The following SH3RF1 variants were observed in gnomAD, a reference collection of about 807,000 sequenced individuals.
SH3RF1 encodes SH3 domain containing ring finger 1, also known as E3 ubiquitin-protein ligase SH3RF1.
Under a neutral mutation model 74.0 loss-of-function variants are expected in SH3RF1, and 32 were observed. The observed-to-expected ratio is 0.43, with a 90% CI of 0.33 to 0.58. SH3RF1 has a LOEUF of 0.58. Ranked by LOEUF, SH3RF1 falls within the 20% of genes least tolerant of loss-of-function variation. SH3RF1 has a pLI of 0.05. For missense variants in SH3RF1, 954 were observed against 1,130.9 expected, an observed-to-expected ratio of 0.84 and a Z score of 2.24; for synonymous variants, 396 against 439.6, an observed-to-expected ratio of 0.90 and a Z score of 1.24.
rs142229926 is a variant in SH3RF1 at position 169,111,249 on chromosome 4, C to T, written c.2140-4044G>A. Among the ~76,000 whole-genome samples, 948 of 146,948 alleles carry T rather than the reference C, an allele frequency of 6.5e-3. 6 individuals are homozygous for T. The highest frequency in any genetic ancestry group is 9.3e-3 in the Non-Finnish European group (618 of 66,428). ...CCAGGAGGTAGAGGCTGCAGTGAGT[C>T]GAGATCACACCACTGCACTCCAACC... On this transcript the variant is annotated intron_variant, in intron 10 of 11. Transcript: ENST00000284637.
At chr4:169,262,435 G>C (rs1352100536) in intron 2 of SH3RF1, among the ~76,000 whole-genome samples, 1 of 152,210 alleles carries the variant, frequency 6.6e-6, no homozygotes, top group African/African-American at 2.4e-5. Context: ...GGGAGGCTAA[G>C]GTGGGTGGAT....
intron 2 of SH3RF1, among the ~76,000 whole-genome samples, chr4:169,257,383 C>A (rs923979603): frequency 6.6e-6 from 1 of 152,158 alleles, no homozygotes; most frequent in Non-Finnish European, 1.5e-5. Flanking sequence ...TGGCCCTGTT[C>A]GCCTCAGACA....
At chr4:169,146,859 C>T (rs1434933407) in intron 4 of SH3RF1, among the ~76,000 whole-genome samples, 1 of 152,018 alleles carries the variant, frequency 6.6e-6, no homozygotes, top group Non-Finnish European at 1.5e-5. Flanking sequence ...AACTGACATG[C>T]AAAACAGTAA....
chr4:169,141,142 C>A (rs1393464071), intron 4 of SH3RF1, among the ~76,000 whole-genome samples: 1 of 152,106 alleles, frequency 6.6e-6, no homozygotes, highest in Non-Finnish European at 1.5e-5. Context: ...AGGCCTCAGC[C>A]AGTTCCCCAC....
At chr4:169,161,361 C>T (rs968541888) in intron 2 of SH3RF1, among the ~76,000 whole-genome samples, 4 of 152,020 alleles carry the variant, frequency 2.6e-5, no homozygotes, top group Non-Finnish European at 5.9e-5. Context: ...TTTTTGTTTC[C>T]AAATCATACA....
chr4:169,234,042 T>C (rs1266592731), intron 2 of SH3RF1, among the ~76,000 whole-genome samples: 1 of 152,188 alleles, frequency 6.6e-6, no homozygotes, highest in Admixed American at 6.5e-5. Flanking sequence ...CTTTCTGATG[T>C]CACTCTGTTA....
chr4:169,234,593 T>C (rs1490737722), intron 2 of SH3RF1, among the ~76,000 whole-genome samples: 3 of 152,210 alleles, frequency 2.0e-5, no homozygotes, highest in Non-Finnish European at 2.9e-5. Flanking sequence ...GGACTTGCCA[T>C]TTAATAGACT....
chr4:169,138,073 G>A (rs75192576), intron 4 of SH3RF1, among the ~76,000 whole-genome samples: 1,807 of 152,304 alleles, frequency 0.012, 43 homozygotes, highest in African/African-American at 0.042. Flanking sequence ...TCCGATATGT[G>A]TTTAGGGATG....
At chr4:169,239,890 G>A (rs1730878201) in intron 2 of SH3RF1, among the ~76,000 whole-genome samples, 1 of 152,086 alleles carries the variant, frequency 6.6e-6, no homozygotes, top group Non-Finnish European at 1.5e-5. Flanking sequence ...CGGGCGTGGT[G>A]GTGTGCACTT....
chr4:169,132,102 C>T (rs945743263), intron 5 of SH3RF1, among the ~76,000 whole-genome samples: 5 of 152,194 alleles, frequency 3.3e-5, no homozygotes, highest in African/African-American at 4.8e-5. Context: ...TCTTTCCTTG[C>T]TTTGTGTGTT....
At chr4:169,120,589 C>T (rs1055292353) in intron 8 of SH3RF1, among the ~76,000 whole-genome samples, 1 of 152,124 alleles carries the variant, frequency 6.6e-6, no homozygotes, top group Non-Finnish European at 1.5e-5. Context: ...TAACTTAAAA[C>T]CCAGTACATT....
intron 2 of SH3RF1, among the ~76,000 whole-genome samples, chr4:169,267,376 A>G (rs1379970422): frequency 6.6e-6 from 1 of 152,218 alleles, no homozygotes; most frequent in Non-Finnish European, 1.5e-5. Flanking sequence ...ATTAAGCTAA[A>G]CAGACCTACA....
Position 169,096,563 on chromosome 4 carries a change from C to T in SH3RF1, c.2623G>A (p.Gly875Arg), listed in dbSNP as rs765026681. Residue 875 changes from glycine (G) to arginine (R), a missense_variant, in exon 12 of 12, where the codon GGG becomes AGG. Coordinates refer to ENST00000284637, the MANE Select transcript of SH3RF1 (RefSeq NM_020870.4). ...GWFKGTLQRNGKTGLFPGSFV... is the reference protein window; with the variant it reads ...GWFKGTLQRNRKTGLFPGSFV... The stretch of plus-strand genomic sequence containing the variant: ...CTTCCTGGGAAAAGGCCAGTTTTCC[C>T]ATTACGTTGTAATGTGCCTTTGAAC... The T allele has an allele frequency of 1.2e-6, 2 of 1,614,088 alleles. No individual in the cohort carries two copies. Among genetic ancestry groups the T allele is most frequent in the Non-Finnish European group, 1.7e-6 (2 of 1,180,002 alleles).
At chr4:169,139,105 C>T (rs984283418) in intron 4 of SH3RF1, among the ~76,000 whole-genome samples, 1 of 152,226 alleles carries the variant, frequency 6.6e-6, no homozygotes, top group Non-Finnish European at 1.5e-5. Flanking sequence ...GTATGCAACA[C>T]CACACCCAGC....
chr4:169,131,862 C>T (rs1443225101), intron 5 of SH3RF1, among the ~76,000 whole-genome samples: 1 of 152,210 alleles, frequency 6.6e-6, no homozygotes, highest in African/African-American at 2.4e-5. Context: ...CATAGAAGTG[C>T]AACTCTGTTA....
At chr4:169,162,381 G>C (rs1734163452) in intron 2 of SH3RF1, among the ~76,000 whole-genome samples, 1 of 152,078 alleles carries the variant, frequency 6.6e-6, no homozygotes, top group Non-Finnish European at 1.5e-5. Flanking sequence ...TTCAATGACG[G>C]CCAAGACGAA....
chr4:169,155,038 A>G (rs141799475), intron 4 of SH3RF1, among the ~76,000 whole-genome samples: 22 of 152,290 alleles, frequency 1.4e-4, no homozygotes, highest in African/African-American at 5.3e-4. Flanking sequence ...TATTTAACAA[A>G]TATTTATTGA....
chr4:169,191,813 G>C (rs2126984956), intron 2 of SH3RF1, among the ~76,000 whole-genome samples: 1 of 152,180 alleles, frequency 6.6e-6, no homozygotes, highest in East Asian at 1.9e-4. Context: ...TTCAACAAAT[G>C]GTGCTGTGAT....
chr4:169,168,749 C>T (rs1195269795), intron 2 of SH3RF1, among the ~76,000 whole-genome samples: 1 of 152,212 alleles, frequency 6.6e-6, no homozygotes, highest in Non-Finnish European at 1.5e-5. Flanking sequence ...GGCAAAGGGA[C>T]AGACTATGAC....
Sources: allele counts gnomAD v4.1 joint callset (sites outside exome capture counted in the v4.1 genomes callset), GRCh38; gene constraint gnomAD v4.1.1; transcripts MANE v1.5; gene names NCBI Gene and HGNC (gene_info 2026-07-23, HGNC 2026-07-21).